CACNA2D3: variants seen among roughly 807,000 people sequenced by gnomAD.
CACNA2D3 encodes voltage-dependent calcium channel subunit alpha-2/delta-3.
CACNA2D3 carries 60 observed loss-of-function variants against 160.6 expected under a neutral mutation model. The ratio of observed to expected loss-of-function variants is 0.37; its 90% CI spans 0.30 to 0.46. The LOEUF (loss-of-function observed/expected upper bound fraction) is 0.46, where lower values mean the gene tolerates loss of function less well. Ranked by LOEUF, CACNA2D3 falls within the 20% of genes least tolerant of loss-of-function variation. CACNA2D3 has a pLI of 1.00. For missense variants in CACNA2D3, 1,205 were observed against 1,365.0 expected (o/e 0.88, Z 1.85); for synonymous variants, 558 against 492.9 (o/e 1.13, Z -1.75).
chr3:54,852,657 G>A (rs147561511), intron 17 of CACNA2D3, among the ~76,000 whole-genome samples: 94 of 152,278 alleles, frequency 6.2e-4, no homozygotes, highest in Middle Eastern at 3.4e-3. Context: ...ACGTTTGTTA[G>A]TGGTTATAGA....
At chr3:54,539,000 G>C (rs9825538) in intron 5 of CACNA2D3, among the ~76,000 whole-genome samples, 3 of 152,094 alleles carry the variant, frequency 2.0e-5, no homozygotes, top group Non-Finnish European at 2.9e-5. Flanking sequence ...GGTGGCTTAC[G>C]TTCACTTTTG....
chr3:54,267,873 A>G (rs1055510118), intron 2 of CACNA2D3, among the ~76,000 whole-genome samples: 3 of 152,202 alleles, frequency 2.0e-5, no homozygotes, highest in Admixed American at 6.5e-5. Context: ...CAATTCATCC[A>G]TATAATGATT....
In CACNA2D3 at chr3:54,745,798, A is replaced by C. The variant is rs182265571; in HGVS notation, c.1168-6801A>C. On this transcript the variant is annotated intron_variant, in intron 11 of 37. Coordinates refer to ENST00000474759, the MANE Select transcript of CACNA2D3 (RefSeq NM_018398.3). ...TTTGGCCAGAAGATTACAAAGAATAATTTTTTTTTCTGAATTGGAATTTTT... is the reference window on the plus strand; with the variant it reads ...TTTGGCCAGAAGATTACAAAGAATACTTTTTTTTTCTGAATTGGAATTTTT... Among the ~76,000 whole-genome samples the C allele has an allele frequency of 1.2e-3, 178 of 151,406 alleles. 1 individual carries two copies. The highest frequency in any genetic ancestry group is 2.1e-3 in the Non-Finnish European group (140 of 67,812).
intron 11 of CACNA2D3, among the ~76,000 whole-genome samples, chr3:54,752,326 G>A (rs943993543): frequency 1.3e-5 from 2 of 152,182 alleles, no homozygotes; most frequent in African/African-American, 4.8e-5. Flanking sequence ...GGCCTGTGAG[G>A]CTGCCAGTCT....
intron 35 of CACNA2D3, among the ~76,000 whole-genome samples, chr3:55,046,329 C>T (rs1704081772): frequency 8.0e-6 from 1 of 124,930 alleles, no homozygotes. Flanking sequence ...TCAATTCCCA[C>T]CTATGAGTGA....
chr3:54,580,192 G>T (rs1303069471), intron 8 of CACNA2D3, among the ~76,000 whole-genome samples: 3 of 151,958 alleles, frequency 2.0e-5, no homozygotes, highest in Non-Finnish European at 4.4e-5. Flanking sequence ...CTTGCCAAAC[G>T]GTGCTAAGAT....
intron 16 of CACNA2D3, among the ~76,000 whole-genome samples, chr3:54,838,905 AT>A (rs1029183433): frequency 6.6e-6 from 1 of 152,128 alleles, no homozygotes; most frequent in African/African-American, 2.4e-5. Flanking sequence ...AAGTTTTGAC[AT>A]GATCATTGAA....
intron 4 of CACNA2D3, among the ~76,000 whole-genome samples, chr3:54,400,519 G>C (rs552006070): frequency 1.2e-3 from 180 of 152,280 alleles, no homozygotes; most frequent in African/African-American, 4.2e-3. Flanking sequence ...TGGAAAGAAA[G>C]AAGAGGAGGA....
chr3:54,487,340 C>A (rs1025564087), intron 4 of CACNA2D3, among the ~76,000 whole-genome samples: 2 of 152,128 alleles, frequency 1.3e-5, no homozygotes, highest in Non-Finnish European at 2.9e-5. Context: ...TGCACTCCTG[C>A]TTGGGTGACA....
At chr3:54,565,276 T>C (rs1351848566) in intron 6 of CACNA2D3, among the ~76,000 whole-genome samples, 1 of 152,152 alleles carries the variant, frequency 6.6e-6, no homozygotes, top group Non-Finnish European at 1.5e-5. Context: ...AACATCATCA[T>C]GGTACAGTGC....
chr3:54,630,761 C>T (rs1203328595), intron 10 of CACNA2D3, among the ~76,000 whole-genome samples: 1 of 152,130 alleles, frequency 6.6e-6, no homozygotes, highest in African/African-American at 2.4e-5. Context: ...ACTTTTTTAT[C>T]CTGAATCTTT....
chr3:54,204,160 T>C (rs1299246917), intron 2 of CACNA2D3, among the ~76,000 whole-genome samples: 1 of 152,108 alleles, frequency 6.6e-6, no homozygotes, highest in Admixed American at 6.6e-5. Flanking sequence ...GTCTCCAGAC[T>C]TGGTCCGAAT....
chr3:55,054,700 G>A (rs1704319067), intron 35 of CACNA2D3, among the ~76,000 whole-genome samples: 1 of 151,626 alleles, frequency 6.6e-6, no homozygotes, highest in South Asian at 2.1e-4. Context: ...TGACTATTTT[G>A]TCACATTTTA....
At chr3:54,551,640 G>A (rs1702159588) in intron 5 of CACNA2D3, among the ~76,000 whole-genome samples, 1 of 152,154 alleles carries the variant, frequency 6.6e-6, no homozygotes, top group African/African-American at 2.4e-5. Flanking sequence ...CTCAGGCAGT[G>A]GGATTAATCT....
chr3:54,504,278 C>T (rs1701335753), intron 5 of CACNA2D3, among the ~76,000 whole-genome samples: 1 of 152,078 alleles, frequency 6.6e-6, no homozygotes, highest in South Asian at 2.1e-4. Context: ...TTTATTTTTC[C>T]CTAAGTTCCC....
At chr3:54,282,961 A>G (rs1702916697) in intron 2 of CACNA2D3, among the ~76,000 whole-genome samples, 1 of 152,160 alleles carries the variant, frequency 6.6e-6, no homozygotes, top group Non-Finnish European at 1.5e-5. Context: ...ATCAAATAGG[A>G]AGAAATACAT....
intron 3 of CACNA2D3, among the ~76,000 whole-genome samples, chr3:54,322,382 T>C (rs62256087): frequency 0.095 from 14,403 of 152,326 alleles, 860 homozygotes; most frequent in East Asian, 0.18. Flanking sequence ...CTTACACTTA[T>C]TGAGTTCAGA....
chr3:54,309,954 C>A (rs143753140), intron 2 of CACNA2D3, among the ~76,000 whole-genome samples: 79 of 151,938 alleles, frequency 5.2e-4, no homozygotes, highest in African/African-American at 1.7e-3. Flanking sequence ...GTGCCATGTC[C>A]TCTTCTCTCT....
At chr3:55,059,117 C>T (rs1014288737) in intron 35 of CACNA2D3, among the ~76,000 whole-genome samples, 26 of 152,102 alleles carry the variant, frequency 1.7e-4, no homozygotes, top group African/African-American at 6.0e-4. Flanking sequence ...GTTTAACTTC[C>T]CAGTGAATTC....
Sources: gnomAD v4.1 joint callset for allele counts (sites outside exome capture counted in the v4.1 genomes callset) on GRCh38, gnomAD v4.1.1 for gene constraint, MANE v1.5 for transcripts, NCBI Gene and HGNC (gene_info 2026-07-23, HGNC 2026-07-21) for gene names.